The following TP53BP1 variants were observed in gnomAD, a reference collection of about 807,000 sequenced individuals.
The protein encoded by TP53BP1 is tumor protein p53 binding protein 1, also known as TP53-binding protein 1.
A neutral mutation model predicts 200.8 loss-of-function variants in TP53BP1; 61 were observed. The observed-to-expected ratio is 0.30, with a 90% CI of 0.25 to 0.38. TP53BP1 has a LOEUF of 0.38. TP53BP1 is among the 10% of genes least tolerant of loss of function. The pLI, the probability that TP53BP1 is intolerant of heterozygous loss-of-function variation, is 1.00. For missense variants in TP53BP1, 2,144 were observed against 2,371.9 expected, an observed-to-expected ratio of 0.90 and a Z score of 2.00; for synonymous variants, 822 against 844.3, an observed-to-expected ratio of 0.97 and a Z score of 0.46.
intron 4 of TP53BP1, among the ~76,000 whole-genome samples, chr15:43,489,958 G>C (rs1017185447): frequency 6.6e-6 from 1 of 152,270 alleles, no homozygotes; most frequent in South Asian, 2.1e-4. Context: ...TATCAACCAG[G>C]CTGGAGTGCA....
chr15:43,462,739 A>C (rs2046469174), intron 11 of TP53BP1, among the ~76,000 whole-genome samples: 1 of 152,208 alleles, frequency 6.6e-6, no homozygotes, highest in South Asian at 2.1e-4. Context: ...TGAAACTCAC[A>C]ATATAAAATT....
intron 13 of TP53BP1, chr15:43,447,141 A>G (rs1178373143): frequency 1.9e-6 from 1 of 529,298 alleles, no homozygotes. Flanking sequence ...TCTTTTAAGT[A>G]TTCTCTTTCT....
In TP53BP1 at chr15:43,407,927, A is replaced by G; in HGVS notation, c.5746+16T>C. On this transcript the variant is annotated intron_variant, in intron 27 of 27. Transcript: ENST00000382044. ...GATCCCTGGAACAAAGACACTACACACACTCTTTCAGGTACCTTTGTTATG... is the reference window on the plus strand; with the variant it reads ...GATCCCTGGAACAAAGACACTACACGCACTCTTTCAGGTACCTTTGTTATG... 2 of 1,607,404 alleles carry G rather than the reference A, an allele frequency of 1.2e-6. No individual in the cohort carries two copies. Among genetic ancestry groups the G allele is most frequent in the Non-Finnish European group, 1.7e-6 (2 of 1,178,890 alleles).
At chr15:43,466,758 G>A (rs778285392) in intron 11 of TP53BP1, among the ~76,000 whole-genome samples, 30 of 152,274 alleles carry the variant, frequency 2.0e-4, no homozygotes, top group Non-Finnish European at 4.0e-4. Flanking sequence ...TCAGGAGGCC[G>A]AGGTGGGAGG....
chr15:43,405,239 TAAC>T lies in TP53BP1; in HGVS notation c.*2141_*2143del. 1 of 1,613,748 alleles carries T rather than the reference TAAC, an allele frequency of 6.2e-7. No individual in the cohort carries two copies. The highest frequency in any genetic ancestry group is 8.5e-7 in the Non-Finnish European group (1 of 1,179,658). ...AAAATTTCTGGCTCATAAATTGAAA[TAAC>T]AGCCACGTTCCCAAGGTTGTAACAG... On this transcript the variant is annotated 3_prime_UTR_variant, in exon 28 of 28. Transcript: ENST00000382044.
At chr15:43,484,779 C>G (rs1424994175) in intron 4 of TP53BP1, among the ~76,000 whole-genome samples, 1 of 150,490 alleles carries the variant, frequency 6.6e-6, no homozygotes, top group Non-Finnish European at 1.5e-5. Flanking sequence ...AAGATATGGT[C>G]TCACTCTGTT....
intron 10 of TP53BP1, among the ~76,000 whole-genome samples, chr15:43,471,339 T>C (rs2046719900): frequency 6.6e-6 from 1 of 152,196 alleles, no homozygotes; most frequent in Admixed American, 6.5e-5. Flanking sequence ...ATCTGGAGTG[T>C]AGTATCACAG....
chr15:43,483,715 T>A (rs2140134943), intron 4 of TP53BP1, among the ~76,000 whole-genome samples: 1 of 152,332 alleles, frequency 6.6e-6, no homozygotes, highest in African/African-American at 2.4e-5. Context: ...AAGGACCAGA[T>A]AAATGACTTT....
Position 43,449,102 on chromosome 15 carries a change from G to A in TP53BP1, c.2717-1617C>T, listed in dbSNP as rs117750682. Among the ~76,000 whole-genome samples, 997 of 152,176 alleles carry A rather than the reference G, an allele frequency of 6.6e-3. 10 individuals are homozygous for A. Among genetic ancestry groups the A allele is most frequent in the Non-Finnish European group, 0.012 (850 of 68,012 alleles). Reference sequence around the variant, plus strand: ...AGATGGTGCCACCGCACTACAGCCTGGATGACAGAGCGAGACCGTGCCTCA... The same window carrying A: ...AGATGGTGCCACCGCACTACAGCCTAGATGACAGAGCGAGACCGTGCCTCA... On this transcript the variant is annotated intron_variant, in intron 12 of 27. Coordinates refer to ENST00000382044, the MANE Select transcript of TP53BP1 (RefSeq NM_001141980.3).
intron 21 of TP53BP1, chr15:43,417,355 G>A (rs1470785581): frequency 2.6e-5 from 4 of 152,156 alleles, no homozygotes; most frequent in Non-Finnish European, 2.9e-5. Context: ...AAATAACACA[G>A]AGAAAGCAAG....
At chr15:43,490,130 C>T (rs1358280222) in intron 4 of TP53BP1, among the ~76,000 whole-genome samples, 1 of 151,938 alleles carries the variant, frequency 6.6e-6, no homozygotes, top group Non-Finnish European at 1.5e-5. Flanking sequence ...CGCTCTGTCA[C>T]CCAGGCTAGA....
chr15:43,416,942 C>G (rs1042504049), intron 21 of TP53BP1: 1 of 152,468 alleles, frequency 6.6e-6, no homozygotes, highest in African/African-American at 2.4e-5. Flanking sequence ...ATCTTCCTCT[C>G]TATTATCTAC....
At chr15:43,458,708 A>G (rs2046359008) in intron 11 of TP53BP1, among the ~76,000 whole-genome samples, 1 of 151,872 alleles carries the variant, frequency 6.6e-6, no homozygotes. Flanking sequence ...GAGCCACAGG[A>G]GTTCAAGGCT....
chr15:43,509,192 G>GGA (rs1555411530), intron 1 of TP53BP1, among the ~76,000 whole-genome samples: 1 of 108,200 alleles, frequency 9.2e-6, no homozygotes, highest in African/African-American at 4.1e-5. Context: ...CACAAACGGG[G>GGA]GGGGGGGGGG....
In TP53BP1 at chr15:43,404,894, C is replaced by T. The variant is rs2044808848; in HGVS notation, c.*2489G>A. On this transcript the variant is annotated 3_prime_UTR_variant, in exon 28 of 28. Coordinates refer to ENST00000382044, the MANE Select transcript of TP53BP1 (RefSeq NM_001141980.3). ...ACCCCGCCTTGCTGGTCCCTAGCTT[C>T]CGCATCTGTGAAAGGAGGCGACCAC... 8.1e-6 allele frequency: 4 copies of T among 494,488 alleles called. No individual in the cohort carries two copies. Among genetic ancestry groups the T allele is most frequent in the Non-Finnish European group, 1.4e-5 (4 of 279,802 alleles). 30.6% of individuals were successfully genotyped at this position (494,488 alleles called of 1,614,324 possible).
intron 16 of TP53BP1, among the ~76,000 whole-genome samples, chr15:43,436,993 G>C (rs2045813808): frequency 1.3e-5 from 2 of 149,928 alleles, no homozygotes; most frequent in Non-Finnish European, 3.0e-5. Flanking sequence ...TGAAAAAAAA[G>C]TTGAAAAAAA....
intron 21 of TP53BP1, 83 bp from the exon 22 acceptor site, chr15:43,416,499 C>A: frequency 7.3e-7 from 1 of 1,363,014 alleles, no homozygotes; most frequent in African/African-American, 1.4e-5. Context: ...TAAAGCAGGC[C>A]TGAGTTAGGG....
intron 4 of TP53BP1, among the ~76,000 whole-genome samples, chr15:43,486,088 A>C (rs78031354): frequency 3.3e-5 from 5 of 151,980 alleles, no homozygotes; most frequent in African/African-American, 1.2e-4. Flanking sequence ...CAAAAAAAAA[A>C]TTGGGAGGGC....
chr15:43,451,251 G>A (rs2046160714), intron 12 of TP53BP1, among the ~76,000 whole-genome samples: 4 of 151,342 alleles, frequency 2.6e-5, no homozygotes, highest in African/African-American at 4.9e-5. Context: ...AGTCACACAC[G>A]TATACATGTG....
Sources: gnomAD v4.1 joint callset for allele counts (sites outside exome capture counted in the v4.1 genomes callset) on GRCh38, gnomAD v4.1.1 for gene constraint, MANE v1.5 for transcripts, NCBI Gene and HGNC (gene_info 2026-07-23, HGNC 2026-07-21) for gene names.